The following BACE2 variants were observed in gnomAD, a reference collection of about 807,000 sequenced individuals.
BACE2 encodes the protein 56 kDa aspartic-like protease.
Under a neutral mutation model 46.2 loss-of-function variants are expected in BACE2, and 17 were observed. The observed-to-expected ratio is 0.37, with a 90% CI of 0.25 to 0.55. The LOEUF is 0.55. Among genes scored for constraint, BACE2 ranks in the 20% least tolerant of loss-of-function variants. BACE2 has a pLI of 0.82. For missense variants in BACE2, 595 were observed against 698.1 expected (o/e 0.85, Z 1.66); for synonymous variants, 277 against 295.9 (o/e 0.94, Z 0.66).
intron 1 of BACE2, among the ~76,000 whole-genome samples, chr21:41,205,059 A>G (rs1312866540): frequency 1.3e-5 from 2 of 152,186 alleles, no homozygotes; most frequent in Non-Finnish European, 1.5e-5. Context: ...ATTGAACACA[A>G]TGGTTTTTCT....
chr21:41,227,046 A>T (rs1568876424), intron 2 of BACE2, among the ~76,000 whole-genome samples: 1 of 152,192 alleles, frequency 6.6e-6, no homozygotes, highest in Non-Finnish European at 1.5e-5. Flanking sequence ...GGAGGCCCCC[A>T]GCGGCTTGTG....
At chr21:41,208,526 G>A (rs1259707970) in intron 1 of BACE2, among the ~76,000 whole-genome samples, 2 of 152,172 alleles carry the variant, frequency 1.3e-5, no homozygotes, top group Admixed American at 6.5e-5. Context: ...CCGTTTGTTC[G>A]GAGATGATAA....
In BACE2 at chr21:41,250,847, CT is replaced by C; in HGVS notation, c.1081del (p.Tyr361ThrfsTer2). Reference protein sequence around the residue: ...PWSYFPKISIYLRDENSSRSF... With the variant: ...PWSYFPKISIXLRDENSSRSF... ...GGTCTTACTTCCCTAAAATCTCCAT[CT>C]ACCTGAGAGACGAGAACTCCAGCAG... On this transcript the variant is annotated frameshift_variant, in exon 7 of 9. Coordinates refer to ENST00000330333, the MANE Select transcript of BACE2 (RefSeq NM_012105.5). LOFTEE classifies it high-confidence loss of function. 1 of 1,614,140 alleles carries C rather than the reference CT, an allele frequency of 6.2e-7. No individual in the cohort carries two copies. The highest frequency in any genetic ancestry group is 8.5e-7 in the Non-Finnish European group (1 of 1,179,958).
At chr21:41,215,975 A>C (rs1398498322) in intron 1 of BACE2, among the ~76,000 whole-genome samples, 1 of 152,240 alleles carries the variant, frequency 6.6e-6, no homozygotes. Context: ...AATTCCTAGA[A>C]TAAAGGAAGG....
intron 1 of BACE2, among the ~76,000 whole-genome samples, chr21:41,217,765 C>T (rs953099381): frequency 1.3e-5 from 2 of 152,210 alleles, no homozygotes; most frequent in Admixed American, 1.3e-4. Context: ...AGAGCCAGCT[C>T]GGCAGGCAGC....
In BACE2 at chr21:41,241,724, C is replaced by T. The variant is rs977918958; in HGVS notation, c.619-95C>T. On this transcript the variant is annotated intron_variant, in intron 3 of 8. Coordinates refer to ENST00000330333, the MANE Select transcript of BACE2 (RefSeq NM_012105.5). ...ACCATGAAAAAATTGAGTATAAACA[C>T]CAGGAATGTCTGTGGCGCGTGGCGT... 4 of 1,444,772 alleles carry T rather than the reference C, an allele frequency of 2.8e-6. No individual in the cohort carries two copies. In the Admixed American group the frequency reaches 5.9e-5, roughly 21 times the overall value. The allele number at this position is 1,444,772 out of a possible 1,614,324, so 89.5% of individuals were successfully genotyped here.
In BACE2 at chr21:41,219,838, C is replaced by T. The variant is rs371237300; in HGVS notation, c.313-6428C>T. ...CAGAAGACTTCCGGGACCAAATGTG[C>T]GGGGATTTCTCCTCACCAACAAACA... On this transcript the variant is annotated intron_variant, in intron 1 of 8. Transcript: ENST00000330333. 5.9e-5 allele frequency among the ~76,000 whole-genome samples: 9 copies of T among 152,314 alleles called. No homozygotes were observed. The South Asian group carries it at 1.7e-3, about 28-fold the overall frequency.
At chr21:41,196,565 G>A (rs62217948) in intron 1 of BACE2, among the ~76,000 whole-genome samples, 255 of 152,308 alleles carry the variant, frequency 1.7e-3, no homozygotes, top group Admixed American at 2.8e-3. Flanking sequence ...GAATAGCAAG[G>A]TAGAGAAAAG....
intron 1 of BACE2, among the ~76,000 whole-genome samples, chr21:41,201,809 G>A (rs930234644): frequency 6.6e-5 from 10 of 152,222 alleles, no homozygotes; most frequent in African/African-American, 2.4e-4. Flanking sequence ...TGTTGACAGT[G>A]GAGGGAGATA....
At chr21:41,182,429 C>T (rs1262313426) in intron 1 of BACE2, 1 of 167,048 alleles carries the variant, frequency 6.0e-6, no homozygotes, top group African/African-American at 2.4e-5. Flanking sequence ...ACTAAGTCTC[C>T]TGGTTGAACC....
chr21:41,222,131 G>A (rs28437018), intron 1 of BACE2, among the ~76,000 whole-genome samples: 1 of 152,062 alleles, frequency 6.6e-6, no homozygotes, highest in East Asian at 1.9e-4. Context: ...CTCAGTGTTT[G>A]CATCTGTGAC....
At position 41,168,343 on chromosome 21, in the gene BACE2, C is replaced by T. The variant is rs1467821817; in HGVS notation, c.80C>T (p.Ala27Val). The change falls in exon 1 of 9, where the codon GCG (alanine) becomes GTG (valine). Residue 27 changes from alanine to valine, a missense_variant. Coordinates refer to ENST00000330333, the MANE Select transcript of BACE2 (RefSeq NM_012105.5). Reference protein sequence around the residue: ...LLRAAPELAPAPFTLPLRVAA... With the variant: ...LLRAAPELAPVPFTLPLRVAA... ...CGCGCCGCCCCGGAGCTGGCCCCCG[C>T]GCCCTTCACGCTGCCCCTCCGGGTG... 7.3e-7 allele frequency: 1 copy of T among 1,374,060 alleles called. No homozygotes were observed. Among genetic ancestry groups the T allele is most frequent in the South Asian group, 1.7e-5 (1 of 58,714 alleles). 85.1% of individuals were successfully genotyped at this position (1,374,060 alleles called of 1,614,324 possible). A position where few individuals can be genotyped will look rare whatever the true frequency, so the allele number is the denominator to read the frequency against.
intron 8 of BACE2, among the ~76,000 whole-genome samples, chr21:41,260,418 T>TA (rs1228530113): frequency 2.6e-5 from 4 of 152,236 alleles, no homozygotes; most frequent in Admixed American, 6.5e-5. Context: ...GTGCTGGGAT[T>TA]ACAGGCTTGA....
intron 3 of BACE2, among the ~76,000 whole-genome samples, chr21:41,239,107 A>G (rs956672475): frequency 6.6e-6 from 1 of 151,396 alleles, no homozygotes; most frequent in Non-Finnish European, 1.5e-5. Context: ...TGCTGGAGCA[A>G]TAGGCCCCCA....
chr21:41,235,306 G>C (rs1344115903), intron 2 of BACE2, among the ~76,000 whole-genome samples: 1 of 151,958 alleles, frequency 6.6e-6, no homozygotes, highest in African/African-American at 2.4e-5. Flanking sequence ...TTTTTCCCTT[G>C]GCACATAATA....
chr21:41,217,813 G>A (rs913285407), intron 1 of BACE2, among the ~76,000 whole-genome samples: 5 of 152,244 alleles, frequency 3.3e-5, no homozygotes, highest in African/African-American at 7.2e-5. Context: ...GAAGATGGAC[G>A]GAGCAAGTAA....
At chr21:41,196,807 G>A (rs568958826) in intron 1 of BACE2, among the ~76,000 whole-genome samples, 14 of 152,268 alleles carry the variant, frequency 9.2e-5, no homozygotes, top group East Asian at 7.7e-4. Context: ...CTTCGTTGAC[G>A]GTGACACACT....
intron 1 of BACE2, among the ~76,000 whole-genome samples, chr21:41,205,025 C>A (rs1258045180): frequency 1.3e-5 from 2 of 152,086 alleles, no homozygotes; most frequent in African/African-American, 4.8e-5. Context: ...AAATGGCTGG[C>A]CTGAAATTAG....
intron 1 of BACE2, among the ~76,000 whole-genome samples, chr21:41,194,595 C>T (rs943651383): frequency 3.9e-5 from 6 of 152,108 alleles, no homozygotes; most frequent in Admixed American, 6.5e-5. Flanking sequence ...AATACAAGGC[C>T]CTCAACAGAG....
Sources: allele counts gnomAD v4.1 joint callset (sites outside exome capture counted in the v4.1 genomes callset), GRCh38; gene constraint gnomAD v4.1.1; transcripts MANE v1.5; gene names NCBI Gene and HGNC (gene_info 2026-07-23, HGNC 2026-07-21).